Variants in NEBL observed in about 807,000 individuals in gnomAD.
The protein encoded by NEBL is LIM and SH3 protein 2.
In NEBL, 122 loss-of-function variants were observed where a neutral mutation model predicts 140.2. The observed-to-expected ratio is 0.87, with a 90% confidence interval of 0.75 to 1.01. NEBL has a LOEUF of 1.01. Ranked by LOEUF, NEBL falls within the 50% of genes least tolerant of loss-of-function variation. NEBL has a pLI of 0.00. For missense variants in NEBL, 1,365 were observed against 1,231.3 expected (o/e 1.11, Z -1.62); for synonymous variants, 436 against 398.9 (o/e 1.09, Z -1.11).
At chr10:21,157,797 G>A (rs571921297) in intron 2 of NEBL, among the ~76,000 whole-genome samples, 1 of 152,128 alleles carries the variant, frequency 6.6e-6, no homozygotes, top group Non-Finnish European at 1.5e-5. Flanking sequence ...TGGAGATAGG[G>A]TCTTTGCTGA....
rs1841154966 is a variant in NEBL, at chr10:21,173,114, GT to G, written c.70-638del. ...CTCCTGGGTGTCTCTCTCCCGGGCT[GT>G]TCATCTCCGTCCCTGCCCGGGAAGG... is the stretch of plus-strand genomic sequence containing the variant. On this transcript the variant is annotated intron_variant, in intron 1 of 6. Transcript: ENST00000417816. This position sits in a 1 kb window ranked among gnomAD's most constrained non-coding sequence, Gnocchi z 5.7. Among the ~76,000 whole-genome samples, 1 of 152,146 alleles carries G rather than the reference GT, an allele frequency of 6.6e-6. No homozygotes were observed. The highest frequency in any genetic ancestry group is 1.5e-5 in the Non-Finnish European group (1 of 68,024).
Position 21,195,160 on chromosome 10 carries a change from T to G in NEBL, n.349-22683A>C, listed in dbSNP as rs1260789266. On this transcript the variant is annotated intron_variant and non_coding_transcript_variant, in intron 3 of 8. Coordinates refer to the NEBL transcript ENST00000675702. Reference sequence around the variant, plus strand: ...TCAACCCTCCTTTCTCCTATCTAGATGACTGTCAAATCAATCCAAGCAGTC... The same window carrying G: ...TCAACCCTCCTTTCTCCTATCTAGAGGACTGTCAAATCAATCCAAGCAGTC... 5.3e-5 allele frequency among the ~76,000 whole-genome samples: 8 copies of G among 152,158 alleles called. No individual in the cohort carries two copies. In the East Asian group the frequency reaches 1.2e-3, roughly 22 times the overall value.
chr10:21,244,935 T>C (rs1264923397), intron 3 of NEBL, among the ~76,000 whole-genome samples: 1 of 151,358 alleles, frequency 6.6e-6, no homozygotes, highest in African/African-American at 2.4e-5. Context: ...GATGGGAGAA[T>C]TGCTTGAGCC....
chr10:20,871,673 A>T (rs556705975), intron 5 of NEBL, among the ~76,000 whole-genome samples: 1 of 152,314 alleles, frequency 6.6e-6, no homozygotes, highest in Non-Finnish European at 1.5e-5. Flanking sequence ...AATTTCAGAA[A>T]GAACATCTGT....
chr10:21,008,926 A>G (rs979106880), intron 3 of NEBL, among the ~76,000 whole-genome samples: 8 of 151,384 alleles, frequency 5.3e-5, no homozygotes, highest in African/African-American at 1.9e-4. Flanking sequence ...TGTATATTAC[A>G]TATAATATTT....
intron 2 of NEBL, among the ~76,000 whole-genome samples, chr10:21,121,492 T>G (rs1838571095): frequency 6.6e-6 from 1 of 152,244 alleles, no homozygotes. Flanking sequence ...CTTAACTTTC[T>G]GCCTTCCAAG....
At chr10:21,119,321 T>C (rs967321695) in intron 2 of NEBL, among the ~76,000 whole-genome samples, 2 of 152,080 alleles carry the variant, frequency 1.3e-5, no homozygotes, top group Non-Finnish European at 2.9e-5. Context: ...GTGATGAAGA[T>C]ACCCTTCATC....
At chr10:21,234,276 A>G (rs1430558794) in intron 3 of NEBL, among the ~76,000 whole-genome samples, 5 of 151,954 alleles carry the variant, frequency 3.3e-5, no homozygotes, top group Non-Finnish European at 7.4e-5. Flanking sequence ...GTCTGGTGGG[A>G]GGAATTTGGA....
chr10:20,845,308 T>A lies in NEBL; in HGVS notation c.1177A>T (p.Lys393Ter). The change falls in exon 12 of 28, where the codon AAG (lysine) becomes TAG (stop). Residue 393 changes from lysine (K) to a stop codon, truncating the protein, a stop_gained. Coordinates refer to ENST00000377122, the MANE Select transcript of NEBL (RefSeq NM_006393.3). LOFTEE classifies it high-confidence loss of function. Reference sequence around the variant, plus strand: ...TTTACATGTAAAAATTCTGGAGTCTTGTCTAAATCCAGTGATGACCTTCCT... The same window carrying A: ...TTTACATGTAAAAATTCTGGAGTCTAGTCTAAATCCAGTGATGACCTTCCT... ...IKGRSSLDLD[K>*]TPEFLHVKYI... 1.2e-6 allele frequency: 2 copies of A among 1,607,040 alleles called. No individual in the cohort carries two copies. Among genetic ancestry groups the A allele is most frequent in the Non-Finnish European group, 1.7e-6 (2 of 1,173,934 alleles).
intron 2 of NEBL, chr10:21,029,137 C>T: frequency 9.9e-6 from 13 of 1,306,780 alleles, no homozygotes; most frequent in Non-Finnish European, 1.4e-5. Context: ...AACAGATGAC[C>T]TGGAAGGAGA....
At chr10:21,195,284 A>T (rs1841630725) in intron 3 of NEBL, among the ~76,000 whole-genome samples, 1 of 152,216 alleles carries the variant, frequency 6.6e-6, no homozygotes, top group Non-Finnish European at 1.5e-5. Context: ...CAAGGAAGAA[A>T]CAGCAAATGA....
At chr10:20,895,195 T>G (rs888761150) in intron 2 of NEBL, among the ~76,000 whole-genome samples, 1 of 152,148 alleles carries the variant, frequency 6.6e-6, no homozygotes, top group Non-Finnish European at 1.5e-5. Flanking sequence ...CAGTTACCAC[T>G]TTAGTCCTGA....
intron 2 of NEBL, among the ~76,000 whole-genome samples, chr10:21,138,100 T>A (rs936048080): frequency 5.3e-5 from 8 of 151,996 alleles, no homozygotes; most frequent in African/African-American, 1.7e-4. Flanking sequence ...GGTAATGATA[T>A]CTATAACCCT....
Position 20,785,585 on chromosome 10 carries a change from C to T in NEBL, c.*162G>A, listed in dbSNP as rs1835340205. On this transcript the variant is annotated 3_prime_UTR_variant, in exon 28 of 28. Transcript: ENST00000377122. The stretch of plus-strand genomic sequence containing the variant: ...ACTGAAAATGCTGCTGTTTTCAGCC[C>T]AGAGGTCATTCCTTCTTCCTGGTAC... 2.4e-6 allele frequency: 2 copies of T among 822,130 alleles called. No individual in the cohort carries two copies. Among genetic ancestry groups the T allele is most frequent in the Non-Finnish European group, 1.9e-6 (1 of 513,170 alleles). The allele number at this position is 822,130 out of a possible 1,614,324, so 50.9% of individuals were successfully genotyped here.
At position 20,880,857 on chromosome 10, in the gene NEBL, A is replaced by C. The variant is rs1183861038; in HGVS notation, c.417T>G (p.Tyr139Ter). 6.2e-7 allele frequency: 1 copy of C among 1,614,166 alleles called. No homozygotes were observed. Among genetic ancestry groups the C allele is most frequent in the Non-Finnish European group, 8.5e-7 (1 of 1,180,020 alleles). The part of the protein sequence containing the change: ...KHDAAKGFSD[Y>*]AHMKEPPEVK... ...CCTCAGGGGGCTCCTTCATGTGGGC[A>C]TAATCTGAGAATCCTTTGGCAGCAT... Residue 139 changes from tyrosine (Y) to a stop codon, truncating the protein, a stop_gained, in exon 5 of 28, where the codon TAT becomes TAG. Transcript: ENST00000377122. LOFTEE classifies it high-confidence loss of function.
intron 2 of NEBL, among the ~76,000 whole-genome samples, chr10:21,087,398 A>C (rs1836684361): frequency 6.6e-6 from 1 of 152,182 alleles, no homozygotes; most frequent in South Asian, 2.1e-4. Flanking sequence ...CTCACTTTAG[A>C]AAACACACAC....
intron 1 of NEBL, among the ~76,000 whole-genome samples, chr10:21,256,550 G>T (rs1045264318): frequency 6.6e-6 from 1 of 152,154 alleles, no homozygotes; most frequent in Non-Finnish European, 1.5e-5. Flanking sequence ...AAGATAACAG[G>T]CTGGATGAGG....
At chr10:20,847,519 G>C (rs938176340) in intron 11 of NEBL, among the ~76,000 whole-genome samples, 5 of 152,074 alleles carry the variant, frequency 3.3e-5, no homozygotes, top group African/African-American at 1.2e-4. Context: ...TGAAAGGAAA[G>C]TTATCCACAG....
intron 13 of NEBL, among the ~76,000 whole-genome samples, chr10:20,840,377 A>C (rs992332886): frequency 2.0e-5 from 3 of 152,148 alleles, no homozygotes; most frequent in Non-Finnish European, 2.9e-5. Context: ...TGGGAGAGTC[A>C]GTTGGGTTAT....
Sources: gnomAD v4.1 joint callset for allele counts (sites outside exome capture counted in the v4.1 genomes callset) on GRCh38, gnomAD v4.1.1 for gene constraint, Gnocchi (gnomAD v3.1) non-coding constraint, MANE v1.5 for transcripts, NCBI Gene and HGNC (gene_info 2026-07-23, HGNC 2026-07-21) for gene names.